Variants in PHACTR1 observed in about 807,000 individuals in gnomAD.
PHACTR1 encodes phosphatase and actin regulator 1.
Under a neutral mutation model 69.2 loss-of-function variants are expected in PHACTR1, and 16 were observed. That is an observed-to-expected ratio of 0.23 (90% CI 0.16 to 0.35). The LOEUF (loss-of-function observed/expected upper bound fraction) is 0.35. Among genes scored for constraint, PHACTR1 ranks in the 10% least tolerant of loss-of-function variants. The pLI is 1.00. For missense variants in PHACTR1, 510 were observed against 734.7 expected (o/e 0.69, Z 3.54); for synonymous variants, 312 against 284.5 (o/e 1.10, Z -0.97).
At chr6:12,950,840 C>T (rs1791201727) in intron 4 of PHACTR1, among the ~76,000 whole-genome samples, 1 of 152,178 alleles carries the variant, frequency 6.6e-6, no homozygotes, top group South Asian at 2.1e-4. Flanking sequence ...CCATCCCAGG[C>T]CTCTTCCTAC....
At chr6:13,104,044 G>T (rs1937773) in intron 5 of PHACTR1, among the ~76,000 whole-genome samples, 1 of 152,102 alleles carries the variant, frequency 6.6e-6, no homozygotes, top group Non-Finnish European at 1.5e-5. Context: ...AGATCGCACT[G>T]CTGCACTCCA....
intron 4 of PHACTR1, among the ~76,000 whole-genome samples, chr6:13,004,199 T>TTTTATTAA: frequency 6.6e-6 from 1 of 151,658 alleles, no homozygotes; most frequent in Non-Finnish European, 1.5e-5. Flanking sequence ...ACTCCATCTG[T>TTTTATTAA]TTTCCATAGA....
At chr6:12,751,603 C>T (rs1482235460) in intron 4 of PHACTR1, among the ~76,000 whole-genome samples, 2 of 152,222 alleles carry the variant, frequency 1.3e-5, no homozygotes, top group Non-Finnish European at 2.9e-5. Context: ...CAAGTTTCAG[C>T]TGCTACTCAA....
At chr6:12,815,478 C>T (rs774230826) in intron 4 of PHACTR1, among the ~76,000 whole-genome samples, 5 of 152,152 alleles carry the variant, frequency 3.3e-5, no homozygotes, top group African/African-American at 9.7e-5. Context: ...AATCTGTTTC[C>T]GTGTACTCAG....
chr6:13,231,720 G>A (rs1477141061), intron 10 of PHACTR1, among the ~76,000 whole-genome samples: 2 of 152,202 alleles, frequency 1.3e-5, no homozygotes, highest in Non-Finnish European at 2.9e-5. Flanking sequence ...AACCACCCAT[G>A]TATGTATTTG....
At chr6:13,048,238 C>T (rs1054317827) in intron 4 of PHACTR1, among the ~76,000 whole-genome samples, 1 of 152,144 alleles carries the variant, frequency 6.6e-6, no homozygotes, top group Non-Finnish European at 1.5e-5. Flanking sequence ...GCTCAGCTGC[C>T]CAGCTTCCAA....
chr6:13,134,482 A>G (rs568660576), intron 5 of PHACTR1, among the ~76,000 whole-genome samples: 77 of 152,310 alleles, frequency 5.1e-4, no homozygotes, highest in African/African-American at 1.8e-3. Flanking sequence ...CTGTTAATCT[A>G]TAACCTTACC....
chr6:12,778,235 A>G (rs1770345275), intron 4 of PHACTR1, among the ~76,000 whole-genome samples: 1 of 152,262 alleles, frequency 6.6e-6, no homozygotes, highest in South Asian at 2.1e-4. Flanking sequence ...CTCTTGTGAA[A>G]CCATAAAATC....
At chr6:12,889,868 G>A (rs1784008540) in intron 4 of PHACTR1, among the ~76,000 whole-genome samples, 1 of 138,588 alleles carries the variant, frequency 7.2e-6, no homozygotes, top group Non-Finnish European at 1.5e-5. Flanking sequence ...CTGGGGGCTT[G>A]TAAACATGTA....
intron 4 of PHACTR1, among the ~76,000 whole-genome samples, chr6:12,770,149 A>G (rs999478145): frequency 2.0e-5 from 3 of 152,126 alleles, no homozygotes; most frequent in African/African-American, 7.2e-5. Context: ...CCCTCCCATT[A>G]TGGGGACTCT....
intron 4 of PHACTR1, among the ~76,000 whole-genome samples, chr6:13,034,405 G>T (rs1443311809): frequency 6.6e-6 from 1 of 152,184 alleles, no homozygotes; most frequent in Non-Finnish European, 1.5e-5. Flanking sequence ...AACGCAGTTT[G>T]TTGGAGAAAC....
At chr6:12,809,385 A>G (rs1581852685) in intron 4 of PHACTR1, among the ~76,000 whole-genome samples, 1 of 152,208 alleles carries the variant, frequency 6.6e-6, no homozygotes, top group Non-Finnish European at 1.5e-5. Flanking sequence ...CACAACAGAT[A>G]TCACTCATCA....
In PHACTR1 at chr6:13,281,225, TAAC is replaced by T. The variant is rs996410477; in HGVS notation, c.1510-2193_1510-2191del. ...GAAGAGAAATTTGAAAGTCAGGGCT[TAAC>T]AACTTTTCTCACATCATGGGTGCAC... is the stretch of plus-strand genomic sequence containing the variant. On this transcript the variant is annotated intron_variant, in intron 12 of 14. Transcript: ENST00000332995. 7.0e-6 allele frequency: 7 copies of T among 1,002,154 alleles called. No homozygotes were observed. The African/African-American group carries it at 1.0e-4, about 15-fold the overall frequency. The allele number at this position is 1,002,154 out of a possible 1,614,324, so 62.1% of individuals were successfully genotyped here. A position where few individuals can be genotyped will look rare whatever the true frequency, so the allele number is the denominator to read the frequency against.
Position 13,283,687 on chromosome 6 carries a change from T to G in PHACTR1, c.1650+125T>G, listed in dbSNP as rs775473684. 36 of 1,422,096 alleles carry G rather than the reference T, an allele frequency of 2.5e-5. No individual in the cohort carries two copies. The East Asian group carries it at 8.1e-4, about 32-fold the overall frequency. 88.1% of individuals were successfully genotyped at this position (1,422,096 alleles called of 1,614,324 possible). The stretch of plus-strand genomic sequence containing the variant: ...CTCAGCCGCAGTCCCCATAATGGAG[T>G]GTTGAGACCCCAACACCTTTCCCCA... On this transcript the variant is annotated intron_variant, in intron 13 of 14. Transcript: ENST00000332995. This position sits in a 1 kb window ranked among gnomAD's most constrained non-coding sequence, Gnocchi z 4.7.
At chr6:12,802,641 C>T (rs371894249) in intron 4 of PHACTR1, among the ~76,000 whole-genome samples, 58 of 152,230 alleles carry the variant, frequency 3.8e-4, no homozygotes, top group East Asian at 1.7e-3. Context: ...TAAACTATGA[C>T]GCAATGCTTT....
At chr6:12,859,950 T>C (rs1194137169) in intron 4 of PHACTR1, among the ~76,000 whole-genome samples, 1 of 152,080 alleles carries the variant, frequency 6.6e-6, no homozygotes, top group African/African-American at 2.4e-5. Flanking sequence ...TTGCGCTTCC[T>C]GTAAAAATTC....
At chr6:12,771,649 G>A (rs931245855) in intron 4 of PHACTR1, among the ~76,000 whole-genome samples, 3 of 152,122 alleles carry the variant, frequency 2.0e-5, no homozygotes, top group East Asian at 1.9e-4. Context: ...TATACAGTCA[G>A]GCTATTGCTT....
chr6:13,065,552 G>A (rs1042222967), intron 5 of PHACTR1, among the ~76,000 whole-genome samples: 6 of 152,126 alleles, frequency 3.9e-5, no homozygotes, highest in Non-Finnish European at 7.4e-5. Flanking sequence ...AGGAGTAAAT[G>A]AGAGGAGAGG....
At chr6:13,227,583 T>C (rs897605576) in intron 8 of PHACTR1, among the ~76,000 whole-genome samples, 1 of 152,122 alleles carries the variant, frequency 6.6e-6, no homozygotes, top group South Asian at 2.1e-4. Flanking sequence ...CAGGAAACCA[T>C]GCCATCTTAA....
Sources: allele counts gnomAD v4.1 joint callset (sites outside exome capture counted in the v4.1 genomes callset), GRCh38; gene constraint gnomAD v4.1.1; non-coding constraint Gnocchi (gnomAD v3.1); transcripts MANE v1.5; gene names NCBI Gene and HGNC (gene_info 2026-07-23, HGNC 2026-07-21).